NF1: variants seen among roughly 807,000 people sequenced by gnomAD.
NF1 encodes neurofibromin.
In NF1, 122 loss-of-function variants were observed where a neutral mutation model predicts 325.7. That is an observed-to-expected ratio of 0.37 (90% CI 0.32 to 0.44). The LOEUF (loss-of-function observed/expected upper bound fraction) is 0.44. Ranked by LOEUF, NF1 falls within the 20% of genes least tolerant of loss-of-function variation. The probability of loss-of-function intolerance (pLI) is 1.00; values close to 1 mark genes in which losing one functional copy is unlikely to be tolerated. For missense variants in NF1, 2,140 were observed against 3,415.4 expected, an observed-to-expected ratio of 0.63 and a Z score of 9.31; for synonymous variants, 1,091 against 1,186.0, an observed-to-expected ratio of 0.92 and a Z score of 1.65.
chr17:31,159,149 C>G (rs371404781), intron 3 of NF1, 56 bp downstream of exon 3: 1 of 1,187,602 alleles, frequency 8.4e-7, no homozygotes, highest in Non-Finnish European at 1.3e-6. Flanking sequence ...TGAGAATGAT[C>G]TTATGTCCCA....
rs2070726784 is a variant in NF1, at chr17:31,376,073, C to A, written c.*1918C>A. ...CTATATAAAAAAGCTGAAATTAGAA[C>A]TGTGTTTAGAAATAGATCAGTAACC... On this transcript the variant is annotated 3_prime_UTR_variant, in exon 58 of 58. Transcript: ENST00000358273. 1.3e-5 allele frequency: 3 copies of A among 232,684 alleles called. No individual in the cohort carries two copies. The highest frequency in any genetic ancestry group is 1.7e-5 in the Non-Finnish European group (2 of 117,762). The allele number at this position is 232,684 out of a possible 1,614,324, so 14.4% of individuals were successfully genotyped here.
At chr17:31,118,743 A>G (rs976192865) in intron 1 of NF1, among the ~76,000 whole-genome samples, 2 of 152,166 alleles carry the variant, frequency 1.3e-5, no homozygotes, top group Non-Finnish European at 2.9e-5. Flanking sequence ...CAGTGCCGCA[A>G]TAAACATAGG....
intron 36 of NF1, among the ~76,000 whole-genome samples, chr17:31,277,506 C>G (rs933445234): frequency 2.0e-5 from 3 of 152,140 alleles, no homozygotes; most frequent in Non-Finnish European, 4.4e-5. Flanking sequence ...TAACTACATG[C>G]TGGACATCTT....
At chr17:31,294,919 A>G in intron 36 of NF1, 1 of 1,545,878 alleles carries the variant, frequency 6.5e-7, no homozygotes, top group Non-Finnish European at 8.9e-7. Flanking sequence ...ATACTTAAAT[A>G]TAGCTCGAAT....
chr17:31,111,691 T>C (rs1477263990), intron 1 of NF1, among the ~76,000 whole-genome samples: 10 of 152,144 alleles, frequency 6.6e-5, no homozygotes, highest in Admixed American at 6.5e-4. Flanking sequence ...ATAAAGACAT[T>C]TTTAGACAAT....
rs1421152902 is a variant in NF1, at chr17:31,318,961, A to G, written c.4836-6859A>G. On this transcript the variant is annotated intron_variant, in intron 36 of 57. Transcript: ENST00000358273. ...AGGAGACAAAGAAAAAACTGTTGTC[A>G]TCAGAAAGGCAAGATGTAGGTAATG... The G allele has an allele frequency of 3.1e-6, 5 of 1,613,286 alleles. No individual in the cohort carries two copies. In the African/African-American group the frequency reaches 5.3e-5, roughly 17 times the overall value.
chr17:31,124,894 C>G (rs958144322), intron 1 of NF1, among the ~76,000 whole-genome samples: 1 of 151,390 alleles, frequency 6.6e-6, no homozygotes, highest in African/African-American at 2.4e-5. Context: ...AGCCACCGTG[C>G]CTGGCCTTGA....
chr17:31,097,571 T>C (rs1275701089), intron 1 of NF1, among the ~76,000 whole-genome samples: 3 of 152,152 alleles, frequency 2.0e-5, no homozygotes, highest in Admixed American at 2.0e-4. Flanking sequence ...CTTCGTTGTT[T>C]GTTATGCATA....
chr17:31,233,797 T>C (rs1254963419), intron 27 of NF1, among the ~76,000 whole-genome samples: 1 of 152,232 alleles, frequency 6.6e-6, no homozygotes, highest in Non-Finnish European at 1.5e-5. Flanking sequence ...ATTTGCTTTT[T>C]AGTGTACCAA....
chr17:31,358,554 A>G lies in NF1; in HGVS notation c.8045A>G (p.His2682Arg), dbSNP rs774409541. ...CQDPNLLNPI[H>R]GIVQSVVYHE... ...GATCCAAATTTGTTAAATCCAATCC[A>G]TGGAATTGTGCAGAGTGTGGTGTAC... The change falls in exon 55 of 58, where the codon CAT (histidine) becomes CGT (arginine). Residue 2682 changes from histidine (H) to arginine (R), a missense_variant. This residue lies in a region of NF1 where 522 missense variants were observed against 749.0 expected (regional missense o/e 0.70). Transcript: ENST00000358273. 1 of 1,613,956 alleles carries G rather than the reference A, an allele frequency of 6.2e-7. No homozygotes were observed. The highest frequency in any genetic ancestry group is 8.5e-7 in the Non-Finnish European group (1 of 1,179,926).
intron 1 of NF1, among the ~76,000 whole-genome samples, chr17:31,097,675 A>G (rs1023854402): frequency 6.6e-6 from 1 of 152,072 alleles, no homozygotes; most frequent in Non-Finnish European, 1.5e-5. Context: ...TAATTAAGAG[A>G]AAGATATATA....
In NF1 at chr17:31,230,339, G is replaced by T. The variant is rs786203657; in HGVS notation, c.3070G>T (p.Ala1024Ser). 6 of 1,613,450 alleles carry T rather than the reference G, an allele frequency of 3.7e-6. No individual in the cohort carries two copies. Among genetic ancestry groups the T allele is most frequent in the Non-Finnish European group, 4.2e-6 (5 of 1,179,592 alleles). ...KLCQLVEVMM[A>S]RRDDLSFCQE... ...GTGTCAATTAGTTGAAGTAATGATG[G>T]CAAGGAGAGATGACCTCTCATTTTG... Residue 1024 changes from alanine (A) to serine (S), a missense_variant, in exon 23 of 58, where the codon GCA (alanine) becomes TCA (serine). Physicochemically the swap from Ala to Ser is moderately conservative, Grantham distance 99. Transcript: ENST00000358273.
At chr17:31,349,843 T>G (rs1429198854) in intron 49 of NF1, among the ~76,000 whole-genome samples, 1 of 152,238 alleles carries the variant, frequency 6.6e-6, no homozygotes, top group Non-Finnish European at 1.5e-5. Context: ...TAGAAAGTGC[T>G]GATTCTCAGT....
intron 30 of NF1, chr17:31,251,319 A>C (rs949520957): frequency 1.4e-5 from 3 of 207,914 alleles, no homozygotes; most frequent in African/African-American, 6.8e-5. Flanking sequence ...GTATATTGCT[A>C]GCTAATAAAC....
Position 31,336,605 on chromosome 17 carries a change from TTTAA to T in NF1, c.6148-29_6148-26del. On this transcript the variant is annotated intron_variant, in intron 41 of 57. Coordinates refer to ENST00000358273, the MANE Select transcript of NF1 (RefSeq NM_001042492.3). The surrounding 1 kb of genome is among the most constrained non-coding windows in gnomAD (Gnocchi z 5.5). ...AAACTTTGAGTCCCATGTTTTTTTT[TTTAA>T]AAAAAAAAATCCTGCTTCTTTACAG... The T allele has an allele frequency of 6.6e-7, 1 of 1,519,186 alleles. No individual in the cohort carries two copies. 94.1% of individuals were successfully genotyped at this position (1,519,186 alleles called of 1,614,324 possible). A position where few individuals can be genotyped will look rare whatever the true frequency, so the allele number is the denominator to read the frequency against.
At chr17:31,356,845 T>C in intron 52 of NF1, 115 bp from the exon 53 acceptor site, 1 of 1,448,616 alleles carries the variant, frequency 6.9e-7, no homozygotes, top group Non-Finnish European at 9.6e-7. Flanking sequence ...ATGTTTATGT[T>C]AGTATTTTAA....
chr17:31,115,518 G>T (rs574308639), intron 1 of NF1, among the ~76,000 whole-genome samples: 1 of 152,160 alleles, frequency 6.6e-6, no homozygotes, highest in African/African-American at 2.4e-5. Flanking sequence ...TGTGCCCCTT[G>T]ATTCTCAGGC....
intron 1 of NF1, among the ~76,000 whole-genome samples, chr17:31,144,315 A>T (rs147160113): frequency 2.0e-5 from 3 of 152,224 alleles, no homozygotes; most frequent in East Asian, 1.9e-4. Flanking sequence ...GTTTTCTAAC[A>T]TACAGCAACA....
intron 36 of NF1, among the ~76,000 whole-genome samples, chr17:31,308,635 CT>C (rs67526348): frequency 0.5 from 75,101 of 150,582 alleles, 20,469 homozygotes; most frequent in Non-Finnish European, 0.62. Flanking sequence ...CAAGGGTGTT[CT>C]TTTTTTTTTA....
Sources: allele counts gnomAD v4.1 joint callset (sites outside exome capture counted in the v4.1 genomes callset), GRCh38; gene constraint gnomAD v4.1.1; regional missense constraint gnomAD v4.1.1; non-coding constraint Gnocchi (gnomAD v3.1); transcripts MANE v1.5; gene names NCBI Gene and HGNC (gene_info 2026-07-23, HGNC 2026-07-21).